Variants in SPAG16 observed in about 807,000 individuals in gnomAD.
The protein encoded by SPAG16 is sperm associated antigen 16, also known as sperm-associated antigen 16 protein.
In SPAG16, 86 loss-of-function variants were observed where a neutral mutation model predicts 80.4. That is an observed-to-expected ratio of 1.07 (90% confidence interval 0.90 to 1.28). SPAG16 has a LOEUF of 1.28. SPAG16 is among the 50% of genes most tolerant of loss of function. The pLI is 0.00. For synonymous variants in SPAG16, 294 were observed against 265.9 expected (o/e 1.11, Z -1.03); for missense variants, 870 against 765.3 (o/e 1.14, Z -1.61).
At chr2:213,522,109 G>A (rs2075700273) in intron 10 of SPAG16, among the ~76,000 whole-genome samples, 1 of 152,130 alleles carries the variant, frequency 6.6e-6, no homozygotes, top group Non-Finnish European at 1.5e-5. Context: ...TTTTTCCTGT[G>A]GCTGGCTGTA....
chr2:213,818,548 C>G (rs961751464), intron 10 of SPAG16, among the ~76,000 whole-genome samples: 3 of 152,150 alleles, frequency 2.0e-5, no homozygotes, highest in Non-Finnish European at 4.4e-5. Flanking sequence ...TTTGTATGCC[C>G]TTTTTTTACT....
At chr2:213,609,233 C>T (rs2061365200) in intron 10 of SPAG16, among the ~76,000 whole-genome samples, 1 of 152,094 alleles carries the variant, frequency 6.6e-6, no homozygotes, top group Non-Finnish European at 1.5e-5. Context: ...CAGCTATCAG[C>T]TTGATTCTAT....
chr2:214,179,034 C>A (rs1034050675), intron 15 of SPAG16, among the ~76,000 whole-genome samples: 1 of 151,378 alleles, frequency 6.6e-6, no homozygotes, highest in South Asian at 2.1e-4. Flanking sequence ...AACTACAATA[C>A]CTGAGTAATG....
Position 214,108,275 on chromosome 2 carries a change from T to C in SPAG16, c.1593+14T>C. The C allele has an allele frequency of 6.3e-7, 1 of 1,596,520 alleles. No homozygotes were observed. The highest frequency in any genetic ancestry group is 2.2e-5 in the East Asian group (1 of 44,578). ...TTTGATCCCAGGGTAAGTTCAGTTCTCCCAGTAAACTGTTTTTAATGCTTC... is the reference window on the plus strand; with the variant it reads ...TTTGATCCCAGGGTAAGTTCAGTTCCCCCAGTAAACTGTTTTTAATGCTTC... On this transcript the variant is annotated intron_variant, in intron 14 of 15. Transcript: ENST00000331683.
In SPAG16 at chr2:213,499,254, A is replaced by G. The variant is rs115833377; in HGVS notation, c.1070+9164A>G. Among the ~76,000 whole-genome samples, 455 of 152,212 alleles carry G rather than the reference A, an allele frequency of 3.0e-3. 1 individual carries two copies. The highest frequency in any genetic ancestry group is 0.01 in the African/African-American group (418 of 41,540). ...TTCAAGCAACCTAAAGTATGTTTCTATACTATACTAGAGCTCCTTTCTGTT... is the reference window on the plus strand; with the variant it reads ...TTCAAGCAACCTAAAGTATGTTTCTGTACTATACTAGAGCTCCTTTCTGTT... On this transcript the variant is annotated intron_variant, in intron 10 of 15. Coordinates refer to ENST00000331683, the MANE Select transcript of SPAG16 (RefSeq NM_024532.5).
intron 12 of SPAG16, among the ~76,000 whole-genome samples, chr2:214,013,694 A>T (rs1241045099): frequency 6.6e-6 from 1 of 152,254 alleles, no homozygotes; most frequent in Non-Finnish European, 1.5e-5. Context: ...TAAAGTATAA[A>T]TGAGATAGTA....
intron 14 of SPAG16, among the ~76,000 whole-genome samples, chr2:214,115,575 G>T (rs2053890619): frequency 6.6e-6 from 1 of 152,124 alleles, no homozygotes; most frequent in South Asian, 2.1e-4. Flanking sequence ...TCAGTAAGAT[G>T]GTGGAATAAA....
intron 12 of SPAG16, among the ~76,000 whole-genome samples, chr2:213,963,420 A>G (rs115053016): frequency 0.013 from 1,967 of 152,130 alleles, 39 homozygotes; most frequent in African/African-American, 0.045. Context: ...TCTACGATTT[A>G]ATTTCTTTAA....
Position 213,293,715 on chromosome 2 carries a change from A to G in SPAG16, c.137-2349A>G, listed in dbSNP as rs1034094119. 2.0e-5 allele frequency among the ~76,000 whole-genome samples: 3 copies of G among 152,242 alleles called. No individual in the cohort carries two copies. The East Asian group carries it at 5.8e-4, about 29-fold the overall frequency. ...AGACCCCCAAGTCAGATTCTACCAG[A>G]TAAACCACTACTGAGCCCTTGACCC... On this transcript the variant is annotated intron_variant, in intron 1 of 15. Transcript: ENST00000331683.
intron 10 of SPAG16, among the ~76,000 whole-genome samples, chr2:213,522,908 AATGT>A (rs2075734464): frequency 6.6e-6 from 1 of 151,060 alleles, no homozygotes; most frequent in African/African-American, 2.4e-5. Context: ...TACATATATA[AATGT>A]ATGTATTTAT....
intron 10 of SPAG16, among the ~76,000 whole-genome samples, chr2:213,567,354 G>A (rs951616931): frequency 2.6e-5 from 3 of 116,436 alleles, no homozygotes; most frequent in African/African-American, 6.9e-5. Flanking sequence ...CTAGCATTAG[G>A]TATATCTCCC....
At chr2:214,119,462 A>G (rs1347383907) in intron 14 of SPAG16, among the ~76,000 whole-genome samples, 2 of 152,150 alleles carry the variant, frequency 1.3e-5, no homozygotes, top group East Asian at 1.9e-4. Flanking sequence ...AGGAAAAAAT[A>G]AAAACAAAAA....
At chr2:214,264,832 C>T (rs966949519) in intron 15 of SPAG16, among the ~76,000 whole-genome samples, 1 of 151,970 alleles carries the variant, frequency 6.6e-6, no homozygotes, top group Non-Finnish European at 1.5e-5. Context: ...TTTACTGTCT[C>T]TATATTTTTG....
At chr2:214,312,726 G>A (rs1361153959) in intron 15 of SPAG16, among the ~76,000 whole-genome samples, 1 of 152,092 alleles carries the variant, frequency 6.6e-6, no homozygotes, top group Non-Finnish European at 1.5e-5. Flanking sequence ...GGCTTTTGCA[G>A]GAGTCTATCC....
At position 213,833,577 on chromosome 2, in the gene SPAG16, A is replaced by AATATCTTT. The variant is rs2073912639; in HGVS notation, c.1071-28904_1071-28903insCTTTATAT. Among the ~76,000 whole-genome samples, 2 of 6,562 alleles carry AATATCTTT rather than the reference A, an allele frequency of 3.0e-4. 1 individual carries two copies. The highest frequency in any genetic ancestry group is 7.0e-4 in the Non-Finnish European group (2 of 2,862). 4.3% of individuals were successfully genotyped at this position (6,562 alleles called of 152,430 possible). A position where few individuals can be genotyped will look rare whatever the true frequency, so the allele number is the denominator to read the frequency against. ...TATATAATATATATAATATATATAT[A>AATATCTTT]ATATATATATTATATATATATAAAA... On this transcript the variant is annotated intron_variant, in intron 10 of 15. Coordinates refer to ENST00000331683, the MANE Select transcript of SPAG16 (RefSeq NM_024532.5).
chr2:213,921,248 C>T (rs1181933779), intron 11 of SPAG16, among the ~76,000 whole-genome samples: 1 of 152,160 alleles, frequency 6.6e-6, no homozygotes, highest in East Asian at 1.9e-4. Context: ...TGAATTGAAA[C>T]TATTGCCATT....
At chr2:213,613,731 C>G (rs1024954593) in intron 10 of SPAG16, among the ~76,000 whole-genome samples, 5 of 152,050 alleles carry the variant, frequency 3.3e-5, no homozygotes, top group African/African-American at 1.2e-4. Context: ...GAAGGCAGAA[C>G]TTTTTTCTTT....
intron 13 of SPAG16, among the ~76,000 whole-genome samples, chr2:214,064,132 A>G (rs774555173): frequency 2.6e-5 from 4 of 152,172 alleles, no homozygotes; most frequent in Non-Finnish European, 5.9e-5. Context: ...TTATTATTTC[A>G]AAACGTGTCT....
At chr2:213,447,688 A>T (rs2071416140) in intron 9 of SPAG16, among the ~76,000 whole-genome samples, 1 of 152,208 alleles carries the variant, frequency 6.6e-6, no homozygotes, top group Non-Finnish European at 1.5e-5. Context: ...CAGCCTGACT[A>T]TTCCTATACA....
Sources: allele counts gnomAD v4.1 joint callset (sites outside exome capture counted in the v4.1 genomes callset), GRCh38; gene constraint gnomAD v4.1.1; transcripts MANE v1.5; gene names NCBI Gene and HGNC (gene_info 2026-07-23, HGNC 2026-07-21).